CSMD1: variants seen among roughly 807,000 people sequenced by gnomAD.
CSMD1 encodes CUB and sushi domain-containing protein 1.
Under a neutral mutation model 417.5 loss-of-function variants are expected in CSMD1, and 213 were observed. The ratio of observed to expected loss-of-function variants is 0.51; its 90% CI spans 0.46 to 0.57. CSMD1 has a LOEUF of 0.57. Among genes scored for constraint, CSMD1 ranks in the 20% least tolerant of loss-of-function variants. The probability of loss-of-function intolerance (pLI) is 0.00; values close to 1 mark genes in which losing one functional copy is unlikely to be tolerated. For synonymous variants in CSMD1, 2,862 were observed against 1,736.8 expected (o/e 1.65, Z -16.11); for missense variants, 6,923 against 4,529.7 (o/e 1.53, Z -15.17).
rs977177894 is a variant in CSMD1, at chr8:4,687,078, G to A, written c.86-49520C>T. Among the ~76,000 whole-genome samples the A allele has an allele frequency of 2.6e-5, 4 of 152,304 alleles. No homozygotes were observed. The East Asian group carries it at 7.7e-4, about 29-fold the overall frequency. On this transcript the variant is annotated intron_variant, in intron 1 of 69. Coordinates refer to ENST00000635120, the MANE Select transcript of CSMD1 (RefSeq NM_033225.6). Reference sequence around the variant, plus strand: ...CTGAGGCTGAGCTTCAGGCGAGCCGGCCCCTGTGCAGGCTAACTCTGTGGT... The same window carrying A: ...CTGAGGCTGAGCTTCAGGCGAGCCGACCCCTGTGCAGGCTAACTCTGTGGT...
intron 5 of CSMD1, among the ~76,000 whole-genome samples, chr8:3,775,355 C>T (rs974315088): frequency 6.6e-6 from 1 of 152,158 alleles, no homozygotes; most frequent in Admixed American, 6.6e-5. Flanking sequence ...ACCTCTGAAC[C>T]ATCTAGCAGA....
At chr8:4,188,323 T>G (rs1433026253) in intron 3 of CSMD1, among the ~76,000 whole-genome samples, 2 of 152,196 alleles carry the variant, frequency 1.3e-5, no homozygotes, top group African/African-American at 2.4e-5. Flanking sequence ...CGTGGTTTTC[T>G]GGACCAAATG....
At chr8:4,221,008 G>A (rs1800998524) in intron 3 of CSMD1, among the ~76,000 whole-genome samples, 1 of 152,168 alleles carries the variant, frequency 6.6e-6, no homozygotes, top group Non-Finnish European at 1.5e-5. Flanking sequence ...CATGCCATGT[G>A]CCCGCAGGAG....
chr8:4,912,034 A>C (rs923868556), intron 1 of CSMD1, among the ~76,000 whole-genome samples: 2 of 151,740 alleles, frequency 1.3e-5, no homozygotes, highest in Non-Finnish European at 2.9e-5. Flanking sequence ...TATTAAAGGA[A>C]AAAAAGAAGA....
chr8:4,948,775 A>G (rs1051094549), intron 1 of CSMD1, among the ~76,000 whole-genome samples: 7 of 152,098 alleles, frequency 4.6e-5, no homozygotes, highest in Non-Finnish European at 8.8e-5. Flanking sequence ...TATAACCCTG[A>G]AAGTCTTAAC....
At chr8:3,419,636 A>T (rs924532584) in intron 12 of CSMD1, among the ~76,000 whole-genome samples, 7 of 152,250 alleles carry the variant, frequency 4.6e-5, no homozygotes, top group African/African-American at 1.7e-4. Context: ...TATCAACAGG[A>T]TTGAGAAGCA....
chr8:4,461,842 G>A (rs1799849218), intron 2 of CSMD1, among the ~76,000 whole-genome samples: 1 of 148,928 alleles, frequency 6.7e-6, no homozygotes, highest in Non-Finnish European at 1.5e-5. Flanking sequence ...CGGGGTTCCC[G>A]CCATTCTCCT....
At chr8:4,895,057 T>G (rs1000096863) in intron 1 of CSMD1, among the ~76,000 whole-genome samples, 4 of 152,216 alleles carry the variant, frequency 2.6e-5, no homozygotes, top group African/African-American at 4.8e-5. Flanking sequence ...TCTGTTTTGT[T>G]TCTGTACATT....
chr8:4,422,540 G>A (rs546248714), intron 2 of CSMD1, among the ~76,000 whole-genome samples: 5 of 152,166 alleles, frequency 3.3e-5, no homozygotes, highest in African/African-American at 1.2e-4. Flanking sequence ...GAACAGGAAG[G>A]ATGCTGTCTA....
intron 5 of CSMD1, among the ~76,000 whole-genome samples, chr8:3,858,906 A>G (rs1307314685): frequency 6.6e-6 from 1 of 152,210 alleles, no homozygotes; most frequent in East Asian, 1.9e-4. Flanking sequence ...TATATATTTT[A>G]CAAATGGATT....
chr8:3,802,334 T>C (rs887842295), intron 5 of CSMD1, among the ~76,000 whole-genome samples: 1 of 152,186 alleles, frequency 6.6e-6, no homozygotes, highest in Non-Finnish European at 1.5e-5. Context: ...ATTCCTATTA[T>C]GTTATACATC....
intron 5 of CSMD1, among the ~76,000 whole-genome samples, chr8:3,763,339 T>C (rs1375046935): frequency 6.6e-6 from 1 of 152,118 alleles, no homozygotes; most frequent in Non-Finnish European, 1.5e-5. Context: ...GAGGTGTTGG[T>C]GTCATGGGGG....
At chr8:4,120,002 T>G (rs190582740) in intron 3 of CSMD1, among the ~76,000 whole-genome samples, 1 of 152,110 alleles carries the variant, frequency 6.6e-6, no homozygotes, top group Non-Finnish European at 1.5e-5. Flanking sequence ...GATAGCACAA[T>G]AGGGTGACGG....
chr8:4,171,568 A>G lies in CSMD1; in HGVS notation c.416-139469T>C, dbSNP rs566906611. Reference sequence around the variant, plus strand: ...TACAATAACTACTGGATATGGAGTGATACGTTGCCAAATACTACACAATTC... The same window carrying G: ...TACAATAACTACTGGATATGGAGTGGTACGTTGCCAAATACTACACAATTC... On this transcript the variant is annotated intron_variant, in intron 3 of 69. Coordinates refer to ENST00000635120, the MANE Select transcript of CSMD1 (RefSeq NM_033225.6). 5.3e-5 allele frequency among the ~76,000 whole-genome samples: 8 copies of G among 151,820 alleles called. No individual in the cohort carries two copies. The South Asian group carries it at 1.7e-3, about 32-fold the overall frequency.
At chr8:3,576,609 A>C (rs1316708802) in intron 9 of CSMD1, among the ~76,000 whole-genome samples, 1 of 152,228 alleles carries the variant, frequency 6.6e-6, no homozygotes, top group Non-Finnish European at 1.5e-5. Context: ...TTTACTGTCC[A>C]AATGAAAAAC....
At chr8:4,067,124 G>C (rs916325213) in intron 3 of CSMD1, among the ~76,000 whole-genome samples, 2 of 152,014 alleles carry the variant, frequency 1.3e-5, no homozygotes, top group Non-Finnish European at 2.9e-5. Context: ...TGTTTCCACA[G>C]AGTCACTTCA....
intron 2 of CSMD1, among the ~76,000 whole-genome samples, chr8:4,577,717 A>G (rs1799203786): frequency 6.6e-6 from 1 of 152,202 alleles, no homozygotes; most frequent in South Asian, 2.1e-4. Flanking sequence ...CTTGCACCCT[A>G]ACACAGTGTT....
At chr8:4,079,035 T>C (rs544411544) in intron 3 of CSMD1, among the ~76,000 whole-genome samples, 6 of 151,462 alleles carry the variant, frequency 4.0e-5, no homozygotes, top group African/African-American at 1.5e-4. Context: ...TGTCCAGGTA[T>C]GGACCCGACC....
chr8:4,221,498 A>T (rs1801028709), intron 3 of CSMD1, among the ~76,000 whole-genome samples: 1 of 152,166 alleles, frequency 6.6e-6, no homozygotes, highest in Non-Finnish European at 1.5e-5. Context: ...GTAATTTGGG[A>T]ATTCGTGAAA....
Sources: allele counts gnomAD v4.1 joint callset (sites outside exome capture counted in the v4.1 genomes callset), GRCh38; gene constraint gnomAD v4.1.1; transcripts MANE v1.5; gene names NCBI Gene and HGNC (gene_info 2026-07-23, HGNC 2026-07-21).